Variants in CIMAP3 observed in about 807,000 individuals in gnomAD.
CIMAP3 encodes the protein ciliary microtubule associated protein 3, also known as ciliary microtubule-associated protein 3.
chr1:111,332,292 G>A, the CIMAP3 span, among the ~76,000 whole-genome samples: 2 of 152,332 alleles, frequency 1.3e-5, no homozygotes, highest in Non-Finnish European at 2.9e-5. Context: ...TCTCAGGTCT[G>A]TCTGGGACCC....
chr1:111,346,467 T>G, the CIMAP3 span: 1 of 741,222 alleles, frequency 1.3e-6, no homozygotes. Flanking sequence ...GAGTTTACAA[T>G]CCCCTGGGCT....
the CIMAP3 span, among the ~76,000 whole-genome samples, chr1:111,336,738 G>T: frequency 6.6e-6 from 1 of 152,332 alleles, no homozygotes; most frequent in East Asian, 1.9e-4. Context: ...ACCTGAAAGT[G>T]ACGGGGAGAA....
the CIMAP3 span, chr1:111,350,130 G>T: frequency 3.7e-5 from 59 of 1,613,854 alleles, 1 homozygote; most frequent in South Asian, 6.3e-4. Flanking sequence ...ACCCAGAGAA[G>T]AAGCCACCGC....
the CIMAP3 span, among the ~76,000 whole-genome samples, chr1:111,344,238 G>A: frequency 1.3e-5 from 2 of 152,220 alleles, no homozygotes; most frequent in Admixed American, 6.5e-5. Context: ...CTGAATTGGT[G>A]TAAAGCTGAA....
chr1:111,348,772 C>G, the CIMAP3 span: 1 of 951,312 alleles, frequency 1.1e-6, no homozygotes, highest in African/African-American at 1.7e-5. Context: ...AGGAACCATT[C>G]AGAGATTTAA....
chr1:111,335,852 T>TAC, the CIMAP3 span, among the ~76,000 whole-genome samples: 2 of 152,212 alleles, frequency 1.3e-5, no homozygotes, highest in Non-Finnish European at 2.9e-5. Context: ...GAGCAGTGGT[T>TAC]CTCCCAGCAC....
the CIMAP3 span, among the ~76,000 whole-genome samples, chr1:111,336,954 C>T: frequency 3.3e-5 from 5 of 151,752 alleles, no homozygotes; most frequent in Non-Finnish European, 5.9e-5. Context: ...AGAGAAAGGT[C>T]GGGTTACCCA....
chr1:111,337,387 A>G, the CIMAP3 span, among the ~76,000 whole-genome samples: 1 of 152,194 alleles, frequency 6.6e-6, no homozygotes, highest in Non-Finnish European at 1.5e-5. Context: ...GCTCCAATTA[A>G]AAGACACAGA....
chr1:111,348,930 T>G, the CIMAP3 span: 1 of 259,788 alleles, frequency 3.8e-6, no homozygotes, highest in Admixed American at 5.1e-5. Context: ...TTCTTGGGGC[T>G]TACATTCTAG....
At chr1:111,347,834 G>T in the CIMAP3 span, 21 of 1,201,096 alleles carry the variant, frequency 1.7e-5, no homozygotes, top group Non-Finnish European at 2.6e-5. Context: ...GGAGTGCAAA[G>T]GGCAGAGAGC....
chr1:111,328,077 C>CT, the CIMAP3 span, among the ~76,000 whole-genome samples: 1 of 152,144 alleles, frequency 6.6e-6, no homozygotes, highest in African/African-American at 2.4e-5. Context: ...CAAAGAACTT[C>CT]TTGATTTCTG....
At chr1:111,335,127 C>CA in the CIMAP3 span, among the ~76,000 whole-genome samples, 1,236 of 29,304 alleles carry the variant, frequency 0.042, 152 homozygotes, top group Middle Eastern at 0.11. Flanking sequence ...GTCTCTGTCT[C>CA]AAAAAAAAAA....
the CIMAP3 span, among the ~76,000 whole-genome samples, chr1:111,339,152 A>C: frequency 0.13 from 18,931 of 149,504 alleles, 1,358 homozygotes; most frequent in African/African-American, 0.17. Flanking sequence ...CAAAATTCAA[A>C]AACCCTTCAT....
At chr1:111,326,940 A>G in the CIMAP3 span, among the ~76,000 whole-genome samples, 2 of 151,694 alleles carry the variant, frequency 1.3e-5, no homozygotes, top group African/African-American at 4.8e-5. Flanking sequence ...GTGAGATTTT[A>G]TTTGTTTTTT....
the CIMAP3 span, chr1:111,346,756 T>G: frequency 6.4e-7 from 1 of 1,554,548 alleles, no homozygotes; most frequent in Non-Finnish European, 8.9e-7. Flanking sequence ...TGGGAGGAAG[T>G]GCAGTTCGCC....
At chr1:111,334,594 G>T in the CIMAP3 span, among the ~76,000 whole-genome samples, 1 of 152,126 alleles carries the variant, frequency 6.6e-6, no homozygotes, top group African/African-American at 2.4e-5. Context: ...TGAGTTCTCT[G>T]ACCAAAAATT....
the CIMAP3 span, among the ~76,000 whole-genome samples, chr1:111,334,303 G>A: frequency 6.6e-6 from 1 of 152,192 alleles, no homozygotes; most frequent in Non-Finnish European, 1.5e-5. Context: ...TGACAGTTTA[G>A]GAAGGGCAGG....
chr1:111,351,176 T>G, the CIMAP3 span: 220 of 939,538 alleles, frequency 2.3e-4, no homozygotes, highest in East Asian at 7.4e-4. Flanking sequence ...GTTTTTTTTT[T>G]TTTTTTTTTT....
the CIMAP3 span, among the ~76,000 whole-genome samples, chr1:111,325,415 G>A: frequency 2.0e-5 from 3 of 152,194 alleles, no homozygotes; most frequent in South Asian, 4.1e-4. Context: ...ACCATCAGAT[G>A]GTAGATGTAG....
Sources: allele counts gnomAD v4.1 joint callset (sites outside exome capture counted in the v4.1 genomes callset), GRCh38; gene constraint gnomAD v4.1.1; transcripts MANE v1.5; gene names NCBI Gene and HGNC (gene_info 2026-07-23, HGNC 2026-07-21).